The following MGAT4C variants were observed in gnomAD, a reference collection of about 807,000 sequenced individuals.
MGAT4C encodes the protein MGAT4 family member C, also known as alpha-1,3-mannosyl-glycoprotein 4-beta-N-acetylglucosaminyltransferase C.
In MGAT4C, 19 loss-of-function variants were observed where a neutral mutation model predicts 40.1. The observed-to-expected ratio is 0.47, with a 90% confidence interval of 0.33 to 0.70. The LOEUF (loss-of-function observed/expected upper bound fraction) is 0.70. Among genes scored for constraint, MGAT4C ranks in the 30% least tolerant of loss-of-function variants. The probability of loss-of-function intolerance (pLI) is 0.02; values close to 1 mark genes in which losing one functional copy is unlikely to be tolerated. For synonymous variants in MGAT4C, 181 were observed against 187.1 expected (o/e 0.97, Z 0.27); for missense variants, 491 against 563.2 (o/e 0.87, Z 1.30).
At chr12:86,244,618 CAT>C (rs1197141157) in intron 1 of MGAT4C, among the ~76,000 whole-genome samples, 1 of 152,160 alleles carries the variant, frequency 6.6e-6, no homozygotes, top group African/African-American at 2.4e-5. Flanking sequence ...TCCCAAAACA[CAT>C]AAAGCCTAGA....
chr12:86,631,337 A>G (rs1266853409), intron 2 of MGAT4C, among the ~76,000 whole-genome samples: 2 of 152,080 alleles, frequency 1.3e-5, no homozygotes, highest in African/African-American at 4.8e-5. Context: ...GTCCAAGGTA[A>G]TTTCTAGGTT....
At chr12:86,099,999 A>G (rs945272156) in intron 1 of MGAT4C, among the ~76,000 whole-genome samples, 1 of 151,408 alleles carries the variant, frequency 6.6e-6, no homozygotes, top group Non-Finnish European at 1.5e-5. Context: ...ATGAAACTAC[A>G]TTATAAGTGC....
chr12:86,762,919 A>G (rs1372610001), intron 1 of MGAT4C, among the ~76,000 whole-genome samples: 2 of 152,346 alleles, frequency 1.3e-5, no homozygotes, highest in East Asian at 1.9e-4. Context: ...CAGGTGTTCA[A>G]TATAAATCAG....
chr12:86,079,291 A>T (rs1235504408), intron 1 of MGAT4C, among the ~76,000 whole-genome samples: 1 of 152,202 alleles, frequency 6.6e-6, no homozygotes, highest in Non-Finnish European at 1.5e-5. Context: ...AGCACAGAAA[A>T]CAACCTTAGT....
In MGAT4C at chr12:86,467,007, G is replaced by A. The variant is rs189705063; in HGVS notation, c.-228-31742C>T. On this transcript the variant is annotated intron_variant, in intron 2 of 7. Coordinates refer to the MGAT4C transcript ENST00000548651. ...TTATTTTGTTTTATTCTCATATAAA[G>A]AAAATGAGGTTTTGCTATAGTTAAT... is the stretch of plus-strand genomic sequence containing the variant. Among the ~76,000 whole-genome samples the A allele has an allele frequency of 4.6e-5, 7 of 152,040 alleles. No individual in the cohort carries two copies. In the South Asian group the frequency reaches 1.0e-3, roughly 22 times the overall value.
intron 3 of MGAT4C, among the ~76,000 whole-genome samples, chr12:86,395,718 T>C (rs1242153380): frequency 1.3e-5 from 2 of 152,202 alleles, no homozygotes; most frequent in Non-Finnish European, 2.9e-5. Flanking sequence ...TCCTTGATTT[T>C]CTTTCCCTTG....
intron 1 of MGAT4C, among the ~76,000 whole-genome samples, chr12:86,820,751 G>C (rs1952691129): frequency 6.6e-6 from 1 of 150,804 alleles, no homozygotes; most frequent in African/African-American, 2.4e-5. Context: ...AGTAAGATTA[G>C]ATTTTGAGTT....
chr12:86,254,219 A>C (rs1952422173), intron 1 of MGAT4C, among the ~76,000 whole-genome samples: 2 of 151,984 alleles, frequency 1.3e-5, no homozygotes, highest in Admixed American at 1.3e-4. Flanking sequence ...TTAAATTAAA[A>C]ATAATAATAA....
chr12:86,335,030 T>A (rs1381621935), intron 3 of MGAT4C, among the ~76,000 whole-genome samples: 1 of 149,392 alleles, frequency 6.7e-6, no homozygotes, highest in Non-Finnish European at 1.5e-5. Context: ...CCCAGTTTAT[T>A]TAAATTATAT....
intron 3 of MGAT4C, among the ~76,000 whole-genome samples, chr12:86,434,206 T>A (rs1367563271): frequency 1.3e-5 from 2 of 152,016 alleles, no homozygotes; most frequent in Non-Finnish European, 2.9e-5. Context: ...AAATAATTTA[T>A]CTTCAGATGT....
intron 1 of MGAT4C, among the ~76,000 whole-genome samples, chr12:86,194,006 G>A (rs1302161392): frequency 6.6e-6 from 1 of 151,552 alleles, no homozygotes; most frequent in African/African-American, 2.4e-5. Flanking sequence ...TTATTTGGGG[G>A]TATTTAGAAG....
chr12:86,714,171 G>C (rs1202847265), intron 2 of MGAT4C, among the ~76,000 whole-genome samples: 1 of 152,052 alleles, frequency 6.6e-6, no homozygotes, highest in African/African-American at 2.4e-5. Flanking sequence ...ACAAAATAAA[G>C]ACAGAGAGAA....
At chr12:86,037,954 G>A (rs535606754) in intron 2 of MGAT4C, among the ~76,000 whole-genome samples, 3 of 149,586 alleles carry the variant, frequency 2.0e-5, no homozygotes, top group East Asian at 3.9e-4. Flanking sequence ...CCCAACACCA[G>A]GTCATGGGGG....
chr12:86,191,371 T>C (rs1397023986), intron 1 of MGAT4C, among the ~76,000 whole-genome samples: 6 of 151,920 alleles, frequency 3.9e-5, no homozygotes, highest in Admixed American at 3.3e-4. Flanking sequence ...AATGTCTCCA[T>C]TGAATGCAAT....
intron 2 of MGAT4C, among the ~76,000 whole-genome samples, chr12:86,694,324 T>C (rs1950219768): frequency 2.6e-5 from 4 of 151,340 alleles, no homozygotes; most frequent in African/African-American, 9.7e-5. Flanking sequence ...CATGACAAAA[T>C]GTGAAAGGCT....
At chr12:86,793,954 C>G (rs10858484) in intron 1 of MGAT4C, among the ~76,000 whole-genome samples, 77,248 of 151,522 alleles carry the variant, frequency 0.51, 20,365 homozygotes, top group Middle Eastern at 0.62. Context: ...AATAAATAGG[C>G]CAAGAATTTG....
At chr12:86,699,208 C>A (rs141189856) in intron 2 of MGAT4C, among the ~76,000 whole-genome samples, 23 of 152,192 alleles carry the variant, frequency 1.5e-4, no homozygotes, top group African/African-American at 5.5e-4. Flanking sequence ...TTCTAAATTA[C>A]ATATTTCTGA....
At chr12:86,180,253 T>C (rs1887963662) in intron 1 of MGAT4C, among the ~76,000 whole-genome samples, 2 of 152,168 alleles carry the variant, frequency 1.3e-5, no homozygotes, top group African/African-American at 4.8e-5. Context: ...TTTCAGAAGA[T>C]GTATGGAAAT....
chr12:86,140,967 A>G (rs564914609), intron 1 of MGAT4C, among the ~76,000 whole-genome samples: 7 of 152,208 alleles, frequency 4.6e-5, no homozygotes, highest in African/African-American at 1.7e-4. Flanking sequence ...CATTGATGCC[A>G]TGATCTTCTT....
Sources: gnomAD v4.1 joint callset for allele counts (sites outside exome capture counted in the v4.1 genomes callset) on GRCh38, gnomAD v4.1.1 for gene constraint, MANE v1.5 for transcripts, NCBI Gene and HGNC (gene_info 2026-07-23, HGNC 2026-07-21) for gene names.